The following AOPEP variants were observed in gnomAD, a reference collection of about 807,000 sequenced individuals.
AOPEP encodes the protein aminopeptidase O.
Under a neutral mutation model 98.1 loss-of-function variants are expected in AOPEP, and 77 were observed. The ratio of observed to expected loss-of-function variants is 0.78; its 90% CI spans 0.65 to 0.95. The LOEUF (loss-of-function observed/expected upper bound fraction) is 0.95. AOPEP is among the 40% of genes least tolerant of loss of function. The pLI, the probability that AOPEP is intolerant of heterozygous loss-of-function variation, is 0.00. For missense variants in AOPEP, 1,024 were observed against 1,024.7 expected (o/e 1.00, Z 0.01); for synonymous variants, 346 against 365.3 (o/e 0.95, Z 0.60).
At position 95,085,591 on chromosome 9, in the gene AOPEP, G is replaced by A. The variant is rs377625161; in HGVS notation, c.*5-1091G>A. 6.7e-4 allele frequency: 287 copies of A among 430,996 alleles called. 2 individuals are homozygous for A. Among genetic ancestry groups the A allele is most frequent in the African/African-American group, 5.5e-3 (269 of 48,652 alleles). 26.7% of individuals were successfully genotyped at this position (430,996 alleles called of 1,614,324 possible). A position where few individuals can be genotyped will look rare whatever the true frequency, so the allele number is the denominator to read the frequency against. ...CGCTGGGGCAGAGGCCGTTGCTGAC[G>A]GGCCGGCCGCTGCTGCACAGTCAGC... is the stretch of plus-strand genomic sequence containing the variant. On this transcript the variant is annotated intron_variant, in intron 16 of 16. Coordinates refer to ENST00000375315, the MANE Select transcript of AOPEP (RefSeq NM_001193329.3).
At chr9:95,107,439 T>C in the AOPEP span, 1 of 698,578 alleles carries the variant, frequency 1.4e-6, no homozygotes, top group South Asian at 1.7e-5. Context: ...CAAACCCAAA[T>C]GGGCGGAATG....
chr9:95,138,817 C>T, the AOPEP span, among the ~76,000 whole-genome samples: 1 of 152,230 alleles, frequency 6.6e-6, no homozygotes, highest in Non-Finnish European at 1.5e-5. Context: ...AGCATAGTCA[C>T]TCAAGCACAC....
At chr9:95,006,330 C>T in intron 13 of AOPEP, 2 of 318,332 alleles carry the variant, frequency 6.3e-6, no homozygotes, top group South Asian at 2.8e-5. Flanking sequence ...TTACATTTCA[C>T]TGTTTTTTGA....
the AOPEP span, among the ~76,000 whole-genome samples, chr9:95,093,579 T>C: frequency 2.0e-5 from 3 of 152,080 alleles, no homozygotes; most frequent in Non-Finnish European, 2.9e-5. Flanking sequence ...CAAACAAATA[T>C]AGGTAATATG....
chr9:94,872,571 A>G (rs890606705), intron 5 of AOPEP, among the ~76,000 whole-genome samples: 2 of 152,286 alleles, frequency 1.3e-5, no homozygotes, highest in Admixed American at 6.5e-5. Context: ...CGTGTCTCCT[A>G]TATTCTTCAG....
chr9:95,093,210 G>C, the AOPEP span, among the ~76,000 whole-genome samples: 3 of 152,210 alleles, frequency 2.0e-5, no homozygotes, highest in African/African-American at 4.8e-5. Flanking sequence ...GAGGACTTGC[G>C]TACAGGAGGA....
chr9:95,033,436 G>A (rs1234233540), intron 13 of AOPEP, among the ~76,000 whole-genome samples: 1 of 151,988 alleles, frequency 6.6e-6, no homozygotes, highest in Non-Finnish European at 1.5e-5. Flanking sequence ...TCTTTGATAG[G>A]TGATATGATG....
intron 10 of AOPEP, among the ~76,000 whole-genome samples, chr9:94,969,392 G>A (rs1477022355): frequency 6.6e-6 from 1 of 151,342 alleles, no homozygotes; most frequent in East Asian, 1.9e-4. Flanking sequence ...GCGTTAAAAA[G>A]TGAATACCCT....
intron 14 of AOPEP, 24 bp from the exon 15 acceptor site, chr9:95,080,670 C>T: frequency 6.3e-7 from 1 of 1,597,340 alleles, no homozygotes; most frequent in Non-Finnish European, 8.6e-7. Flanking sequence ...TTGTCGCTCA[C>T]TGGGCTCTCT....
At chr9:95,097,207 G>A in the AOPEP span, among the ~76,000 whole-genome samples, 256 of 152,346 alleles carry the variant, frequency 1.7e-3, no homozygotes, top group Middle Eastern at 3.4e-3. Context: ...CTGCTGGGCT[G>A]TTTCATGGGA....
Position 94,980,981 on chromosome 9 carries a change from T to A in AOPEP, c.1977+1554T>A, listed in dbSNP as rs552149649. Among the ~76,000 whole-genome samples the A allele has an allele frequency of 8.8e-4, 134 of 152,282 alleles. 1 individual carries two copies. Among genetic ancestry groups the A allele is most frequent in the African/African-American group, 3.1e-3 (130 of 41,558 alleles). ...AGGCTGTTACAAGGCTCCCAGACAT[T>A]CTTAGTGTGGCCTGGAAGCTGGGAG... On this transcript the variant is annotated intron_variant, in intron 11 of 16. Coordinates refer to ENST00000375315, the MANE Select transcript of AOPEP (RefSeq NM_001193329.3). This position sits in a 1 kb window ranked among gnomAD's most constrained non-coding sequence, Gnocchi z 4.3.
the AOPEP span, among the ~76,000 whole-genome samples, chr9:95,112,842 C>T: frequency 1.3e-5 from 2 of 152,220 alleles, no homozygotes; most frequent in Non-Finnish European, 2.9e-5. Context: ...GGGAGCCCCA[C>T]GAGGTCTAAG....
chr9:94,793,603 G>T (rs559580417), intron 4 of AOPEP, among the ~76,000 whole-genome samples: 1 of 152,118 alleles, frequency 6.6e-6, no homozygotes, highest in East Asian at 1.9e-4. Context: ...CTTGAACCTG[G>T]GAGGTAGAGG....
chr9:95,086,069 C>T (rs768693029), intron 16 of AOPEP: 1 of 1,367,708 alleles, frequency 7.3e-7, no homozygotes, highest in South Asian at 1.1e-5. Flanking sequence ...CACACTGGCT[C>T]AGTTCAGCAG....
Position 94,958,980 on chromosome 9 carries a change from GT to G in AOPEP, c.1872+2975del, listed in dbSNP as rs112814185. Among the ~76,000 whole-genome samples, 21 of 147,516 alleles carry G rather than the reference GT, an allele frequency of 1.4e-4. No homozygotes were observed. In the South Asian group the frequency reaches 2.2e-3, roughly 15 times the overall value. On this transcript the variant is annotated intron_variant, in intron 9 of 16. Coordinates refer to ENST00000375315, the MANE Select transcript of AOPEP (RefSeq NM_001193329.3). ...AAAGGTCACAAAGATTCACTCCTATGTTTTTTTTTTAAGAGTTTTATTGCAT... is the reference window on the plus strand; with the variant it reads ...AAAGGTCACAAAGATTCACTCCTATGTTTTTTTTTAAGAGTTTTATTGCAT...
intron 5 of AOPEP, chr9:94,904,415 C>T (rs1305504701): frequency 6.6e-6 from 1 of 152,196 alleles, no homozygotes; most frequent in African/African-American, 2.4e-5. Flanking sequence ...GCCTCTCCCT[C>T]ACACCCTGCA....
At chr9:94,825,733 A>G (rs1236471142) in intron 5 of AOPEP, among the ~76,000 whole-genome samples, 2 of 152,156 alleles carry the variant, frequency 1.3e-5, no homozygotes, top group East Asian at 3.9e-4. Flanking sequence ...TATTCCATTC[A>G]GGGACTATAA....
chr9:94,758,159 G>A (rs1837476236), intron 1 of AOPEP, among the ~76,000 whole-genome samples: 1 of 152,200 alleles, frequency 6.6e-6, no homozygotes, highest in African/African-American at 2.4e-5. Context: ...GGAAGAATAG[G>A]ATTTGGCAGG....
chr9:94,766,538 A>G (rs1379125188), intron 2 of AOPEP, among the ~76,000 whole-genome samples: 13 of 152,196 alleles, frequency 8.5e-5, no homozygotes, highest in Admixed American at 8.5e-4. Flanking sequence ...CTCCATCTCA[A>G]AACAAAACAA....
Sources: gnomAD v4.1 joint callset for allele counts (sites outside exome capture counted in the v4.1 genomes callset) on GRCh38, gnomAD v4.1.1 for gene constraint, Gnocchi (gnomAD v3.1) non-coding constraint, MANE v1.5 for transcripts, NCBI Gene and HGNC (gene_info 2026-07-23, HGNC 2026-07-21) for gene names.